DPP6: variants seen among roughly 807,000 people sequenced by gnomAD.
DPP6 encodes the protein dipeptidyl peptidase like 6.
In DPP6, 69 loss-of-function variants were observed where a neutral mutation model predicts 122.6. That is an observed-to-expected ratio of 0.56 (90% confidence interval 0.46 to 0.69). The LOEUF is 0.69. DPP6 is among the 30% of genes least tolerant of loss of function. The pLI is 0.00. For synonymous variants in DPP6, 418 were observed against 433.1 expected (o/e 0.97, Z 0.43); for missense variants, 928 against 1,116.9 (o/e 0.83, Z 2.41).
chr7:154,137,650 T>TGGGGGGGGG (rs1419049474), intron 1 of DPP6, among the ~76,000 whole-genome samples: 4 of 10,056 alleles, frequency 4.0e-4, no homozygotes, highest in African/African-American at 7.3e-4. Context: ...GTGGGGGGGG[T>TGGGGGGGGG]GGGGGGGTGG....
At chr7:154,294,344 G>C (rs1252716237) in intron 1 of DPP6, among the ~76,000 whole-genome samples, 1 of 152,152 alleles carries the variant, frequency 6.6e-6, no homozygotes, top group Non-Finnish European at 1.5e-5. Context: ...CCTTCTAGGG[G>C]AAGATGCCAA....
intron 1 of DPP6, among the ~76,000 whole-genome samples, chr7:154,019,365 T>C (rs1265335609): frequency 6.6e-6 from 1 of 152,038 alleles, no homozygotes; most frequent in East Asian, 1.9e-4. Context: ...TTCTCTTTTC[T>C]CTCTTCTCTT....
At chr7:154,380,772 T>A (rs964594024) in intron 1 of DPP6, among the ~76,000 whole-genome samples, 4 of 152,274 alleles carry the variant, frequency 2.6e-5, no homozygotes, top group Middle Eastern at 3.4e-3. Context: ...TGGTGAGAAG[T>A]GGGAGACTGG....
intron 1 of DPP6, among the ~76,000 whole-genome samples, chr7:154,306,387 C>A (rs1429777173): frequency 6.6e-6 from 1 of 152,224 alleles, no homozygotes; most frequent in Non-Finnish European, 1.5e-5. Flanking sequence ...TCACCTCAGG[C>A]AGATCATTAA....
chr7:153,952,070 A>G (rs1802244231), intron 1 of DPP6, among the ~76,000 whole-genome samples: 2 of 152,152 alleles, frequency 1.3e-5, no homozygotes, highest in African/African-American at 2.4e-5. Context: ...AGAAAAAACT[A>G]CTGAATGAAT....
chr7:154,444,138 A>G (rs76915709), intron 1 of DPP6, among the ~76,000 whole-genome samples: 27,803 of 152,012 alleles, frequency 0.18, 3,497 homozygotes, highest in African/African-American at 0.36. Context: ...TTAAATGTGC[A>G]TATAGACCAG....
At chr7:154,477,531 C>CTGAAA (rs1563732475) in intron 3 of DPP6, among the ~76,000 whole-genome samples, 1 of 148,944 alleles carries the variant, frequency 6.7e-6, no homozygotes. Context: ...CATTCCATGC[C>CTGAAA]AAAAAAAAAA....
chr7:154,682,548 C>T (rs1345868364), intron 7 of DPP6, among the ~76,000 whole-genome samples: 1 of 152,176 alleles, frequency 6.6e-6, no homozygotes, highest in African/African-American at 2.4e-5. Flanking sequence ...GGTTGTTAAA[C>T]GTGGAGACAG....
At chr7:154,396,191 A>T (rs1302924294) in intron 1 of DPP6, among the ~76,000 whole-genome samples, 4 of 152,192 alleles carry the variant, frequency 2.6e-5, no homozygotes, top group African/African-American at 7.2e-5. Flanking sequence ...AAAACAATTC[A>T]TGTTCATTAT....
intron 2 of DPP6, among the ~76,000 whole-genome samples, chr7:154,471,108 G>A (rs374101942): frequency 4.6e-5 from 7 of 151,966 alleles, no homozygotes; most frequent in South Asian, 2.1e-4. Context: ...AAAATTAGCC[G>A]GGCTCGGTGG....
chr7:153,912,757 A>G (rs970331861), intron 1 of DPP6, among the ~76,000 whole-genome samples: 1 of 152,160 alleles, frequency 6.6e-6, no homozygotes, highest in African/African-American at 2.4e-5. Context: ...CAAATCATAC[A>G]CGTGCACAGA....
At chr7:153,764,105 C>G in the DPP6 span, among the ~76,000 whole-genome samples, 2 of 152,180 alleles carry the variant, frequency 1.3e-5, no homozygotes, top group Non-Finnish European at 2.9e-5. Context: ...TTTTTTCTGG[C>G]TCTTTTGCAT....
chr7:154,485,299 G>C (rs1220650294), intron 3 of DPP6, among the ~76,000 whole-genome samples: 1 of 152,202 alleles, frequency 6.6e-6, no homozygotes, highest in Non-Finnish European at 1.5e-5. Context: ...GTACCTTAAT[G>C]AAGTCCTTAA....
the DPP6 span, among the ~76,000 whole-genome samples, chr7:153,871,639 A>G: frequency 6.6e-6 from 1 of 152,284 alleles, no homozygotes; most frequent in African/African-American, 2.4e-5. Context: ...GCTTACGCAC[A>G]GTGCGCTGCA....
chr7:154,475,777 T>C (rs1490257041), intron 3 of DPP6: 1 of 152,526 alleles, frequency 6.6e-6, no homozygotes, highest in African/African-American at 2.4e-5. Flanking sequence ...CCTCCATTGC[T>C]GTTGCTTACA....
chr7:154,383,319 A>G (rs7808582), intron 1 of DPP6, among the ~76,000 whole-genome samples: 18,387 of 152,190 alleles, frequency 0.12, 1,224 homozygotes, highest in South Asian at 0.17. Flanking sequence ...CAACTCATAA[A>G]ATACAATTTC....
chr7:154,572,380 C>A (rs975849992), intron 5 of DPP6, among the ~76,000 whole-genome samples: 1 of 151,886 alleles, frequency 6.6e-6, no homozygotes, highest in African/African-American at 2.4e-5. Context: ...TAAAAAATAA[C>A]TTGAGGCTTT....
chr7:154,431,361 A>G (rs1253205768), intron 1 of DPP6, among the ~76,000 whole-genome samples: 2 of 152,140 alleles, frequency 1.3e-5, no homozygotes, highest in Non-Finnish European at 2.9e-5. Flanking sequence ...CGGACAGTGG[A>G]AGAACACTCC....
chr7:153,786,748 A>G, the DPP6 span, among the ~76,000 whole-genome samples: 1 of 141,256 alleles, frequency 7.1e-6, no homozygotes, highest in African/African-American at 2.6e-5. Flanking sequence ...CAGAAAAAAA[A>G]AAAAAAAAAA....
Sources: gnomAD v4.1 joint callset for allele counts (sites outside exome capture counted in the v4.1 genomes callset) on GRCh38, gnomAD v4.1.1 for gene constraint, MANE v1.5 for transcripts, NCBI Gene and HGNC (gene_info 2026-07-23, HGNC 2026-07-21) for gene names.